Variants in NKX2-5 observed in about 807,000 individuals in gnomAD.
NKX2-5 encodes the protein homeobox protein Nkx-2.5.
NKX2-5 carries 3 observed loss-of-function variants against 24.5 expected under a neutral mutation model. That is an observed-to-expected ratio of 0.12 (90% CI 0.06 to 0.32). NKX2-5 has a LOEUF of 0.32. Among genes scored for constraint, NKX2-5 ranks in the 10% least tolerant of loss-of-function variants. The pLI, the probability that NKX2-5 is intolerant of heterozygous loss-of-function variation, is 1.00. For synonymous variants in NKX2-5, 215 were observed against 217.6 expected, an observed-to-expected ratio of 0.99 and a Z score of 0.11; for missense variants, 429 against 452.4, an observed-to-expected ratio of 0.95 and a Z score of 0.47.
chr5:173,234,864 C>G lies in NKX2-5; in HGVS notation c.220G>C (p.Gly74Arg). Residue 74 changes from glycine to arginine, a missense_variant, in exon 1 of 2, where the codon GGC (glycine) becomes CGC (arginine). Coordinates refer to ENST00000329198, the MANE Select transcript of NKX2-5 (RefSeq NM_004387.4). ...PGLPELRAEL[G>R]RAPSPAKCAS... is the part of the protein sequence containing the mutation. The stretch of plus-strand genomic sequence containing the variant: ...CACTTGGCCGGTGAAGGCGCGCGGC[C>G]CAGCTCTGCGCGCAGCTCTGGGAGG... The G allele has an allele frequency of 6.2e-7, 1 of 1,601,226 alleles. No homozygotes were observed. Among genetic ancestry groups the G allele is most frequent in the Non-Finnish European group, 8.5e-7 (1 of 1,174,402 alleles).
In NKX2-5 at chr5:173,232,503, T is replaced by TC; in HGVS notation, c.*65dup. 3 of 1,587,446 alleles carry TC rather than the reference T, an allele frequency of 1.9e-6. No individual in the cohort carries two copies. The highest frequency in any genetic ancestry group is 1.7e-6 in the Non-Finnish European group (2 of 1,174,270). ...TCAGGGTCATGTTGGGAGCCCCTTC[T>TC]CCCCCCGAGAGTCAGGGAGCTGTTG... is the stretch of plus-strand genomic sequence containing the variant. On this transcript the variant is annotated 3_prime_UTR_variant, in exon 2 of 2. Coordinates refer to ENST00000329198, the MANE Select transcript of NKX2-5 (RefSeq NM_004387.4). The surrounding 1 kb of genome is among the most constrained non-coding windows in gnomAD (Gnocchi z 5.9).
chr5:173,233,169 T>C lies in NKX2-5; in HGVS notation c.375A>G (p.Thr125=). The C allele has an allele frequency of 6.2e-7, 1 of 1,603,556 alleles. No homozygotes were observed. Among genetic ancestry groups the C allele is most frequent in the Non-Finnish European group, 8.5e-7 (1 of 1,178,582 alleles). ...GGGGCCGCTCCGCGTTGTCCGCCTC[T>C]GTCTTCTCCAGCTCCACCGCCTTCT... The part of the protein sequence containing the change: ...ALQKAVELEK[T]EADNAERPRA... Residue 125 remains threonine (T), a synonymous_variant, in exon 2 of 2, where the codon ACA becomes ACG. Coordinates refer to ENST00000329198, the MANE Select transcript of NKX2-5 (RefSeq NM_004387.4).
Position 173,234,766 on chromosome 5 carries a change from A to G in NKX2-5, c.318T>C (p.Pro106=), listed in dbSNP as rs1418433085. The change falls in exon 1 of 2, where the codon CCT becomes CCC. Residue 106 remains proline, a synonymous_variant. Transcript: ENST00000329198. ...CCTCCTCACCTTTCTTTTCGGCTCT[A>G]GGGTCCTTGGCTGGGTCGGGGTCGC... ...AYSDPDPAKD[P]RAEKKELCAL... The G allele has an allele frequency of 6.5e-7, 1 of 1,547,430 alleles. No homozygotes were observed. Among genetic ancestry groups the G allele is most frequent in the Non-Finnish European group, 8.7e-7 (1 of 1,150,082 alleles).
In NKX2-5 at chr5:173,232,670, AGTT is replaced by A. The variant is rs756974215; in HGVS notation, c.871_873del (p.Asn291del). 41 of 1,611,940 alleles carry A rather than the reference AGTT, an allele frequency of 2.5e-5. No individual in the cohort carries two copies. Among genetic ancestry groups the A allele is most frequent in the East Asian group, 1.1e-4 (5 of 44,838 alleles). On this transcript the variant is annotated inframe_deletion, in exon 2 of 2. Coordinates refer to ENST00000329198, the MANE Select transcript of NKX2-5 (RefSeq NM_004387.4). The surrounding 1 kb of genome is among the most constrained non-coding windows in gnomAD (Gnocchi z 5.9). ...AAGTCCCCGACGCCGAAGTTCACGA[AGTT>A]GTTGTTGGCGGCGGCAGTGGCCGGC...
rs536727336 is a variant in NKX2-5 at position 173,234,031 on chromosome 5, G to A, written c.334+719C>T. ...CCTCCCCGATCCTGGGATGGCCTGC[G>A]GGATGATCCCGCACTCATCTCGTCC... On this transcript the variant is annotated intron_variant, in intron 1 of 1. Transcript: ENST00000329198. 3 of 1,282,952 alleles carry A rather than the reference G, an allele frequency of 2.3e-6. No individual in the cohort carries two copies. The South Asian group carries it at 3.8e-5, about 16-fold the overall frequency. 79.5% of individuals were successfully genotyped at this position (1,282,952 alleles called of 1,614,324 possible).
rs756623702 is a variant in NKX2-5, at chr5:173,233,038, T to C, written c.506A>G (p.Asp169Gly). The C allele has an allele frequency of 1.2e-6, 2 of 1,606,822 alleles. No individual in the cohort carries two copies. The highest frequency in any genetic ancestry group is 2.7e-5 in the African/African-American group (2 of 74,802). ...GAGTTTCAGCACGCTGGCCAGCTGG[T>C]CGCGTTCGGGGGCCGACAGGTACCG... ...QQRYLSAPER[D>G]QLASVLKLTS... Residue 169 changes from aspartate (D) to glycine (G), a missense_variant, in exon 2 of 2, where the codon GAC (aspartate) becomes GGC (glycine). Coordinates refer to ENST00000329198, the MANE Select transcript of NKX2-5 (RefSeq NM_004387.4).
Position 173,234,872 on chromosome 5 carries a change from G to C in NKX2-5, c.212C>G (p.Ala71Gly). The change falls in exon 1 of 2, where the codon GCA becomes GGA. Residue 71 changes from alanine to glycine, a missense_variant. By Grantham distance (60) the Ala-to-Gly change is moderately conservative (BLOSUM62 0). Around this residue, in one of 3 missense-constraint regions of NKX2-5, gnomAD observed 240 missense variants for 240.4 expected, o/e 1.00. Transcript: ENST00000329198. ...AAAPGLPELR[A>G]ELGRAPSPAK... is the part of the protein sequence containing the mutation. ...CGGTGAAGGCGCGCGGCCCAGCTCT[G>C]CGCGCAGCTCTGGGAGGCCCGGCGC... is the stretch of plus-strand genomic sequence containing the variant. 1 of 1,603,810 alleles carries C rather than the reference G, an allele frequency of 6.2e-7. No individual in the cohort carries two copies.
At chr5:173,233,881 C>T (rs563275269) in intron 1 of NKX2-5, 194 of 985,468 alleles carry the variant, frequency 2.0e-4, no homozygotes, top group African/African-American at 1.2e-3. Flanking sequence ...AATTCTCTCC[C>T]GGCTGGCAGC....
At chr5:173,233,568 G>T in intron 1 of NKX2-5, 3 of 811,538 alleles carry the variant, frequency 3.7e-6, no homozygotes, top group East Asian at 5.4e-5. Flanking sequence ...ATGCTCTGGG[G>T]TGAACTGAAT....
rs759274726 is a variant in NKX2-5, at chr5:173,234,052, C to T, written c.334+698G>A. The T allele has an allele frequency of 8.5e-6, 11 of 1,289,246 alleles. No individual in the cohort carries two copies. In the South Asian group the frequency reaches 8.6e-5, roughly 10 times the overall value. The allele number at this position is 1,289,246 out of a possible 1,614,324, so 79.9% of individuals were successfully genotyped here. On this transcript the variant is annotated intron_variant, in intron 1 of 1. Transcript: ENST00000329198. ...CTGCGGGATGATCCCGCACTCATCTCGTCCACTCCCTTGTGCCCGCGGTAG... is the reference window on the plus strand; with the variant it reads ...CTGCGGGATGATCCCGCACTCATCTTGTCCACTCCCTTGTGCCCGCGGTAG...
In NKX2-5 at chr5:173,235,033, G is replaced by T. The variant is rs1761444960; in HGVS notation, c.51C>A (p.Ile17=). Residue 17 remains isoleucine (I), a synonymous_variant, in exon 1 of 2, where the codon ATC becomes ATA. Transcript: ENST00000329198. ...TGCGCTGCTGCTGTTCCAGGTTTAG[G>T]ATGTCTTTGACTGAGAAGGGCGTGG... ...LTPTPFSVKD[I]LNLEQQQRSL... 1 of 1,611,838 alleles carries T rather than the reference G, an allele frequency of 6.2e-7. No individual in the cohort carries two copies. The highest frequency in any genetic ancestry group is 1.3e-5 in the African/African-American group (1 of 74,708).
rs183405705 is a variant in NKX2-5, at chr5:173,233,291, G to C, written c.335-82C>G. The stretch of plus-strand genomic sequence containing the variant: ...GCGCGGCCGCACAGTAATGGTAAGG[G>C]ATCCTCGTGGAGGCCACTGTGTCCT... On this transcript the variant is annotated intron_variant, in intron 1 of 1. Coordinates refer to ENST00000329198, the MANE Select transcript of NKX2-5 (RefSeq NM_004387.4). 8.3e-3 allele frequency: 12,869 copies of C among 1,547,632 alleles called. 84 individuals carry two copies. Among genetic ancestry groups the C allele is most frequent in the Non-Finnish European group, 9.8e-3 (11,341 of 1,153,030 alleles).
intron 1 of NKX2-5, 135 bp downstream of exon 1, chr5:173,234,615 G>T: frequency 1.3e-6 from 1 of 763,976 alleles, no homozygotes; most frequent in Non-Finnish European, 1.9e-6. Flanking sequence ...ACAACACCAG[G>T]CATCTTACAT....
At chr5:173,234,000 G>A (rs1761401893) in intron 1 of NKX2-5, 2 of 1,258,050 alleles carry the variant, frequency 1.6e-6, no homozygotes, top group Non-Finnish European at 2.1e-6. Flanking sequence ...CAGCGGGGCC[G>A]GCCTCCCTCC....
At chr5:173,233,722 G>T in intron 1 of NKX2-5, 2 of 512,886 alleles carry the variant, frequency 3.9e-6, no homozygotes, top group Non-Finnish European at 5.0e-6. Flanking sequence ...CCTGGCCGCA[G>T]CAGGGTTTGC....
Position 173,233,515 on chromosome 5 carries a change from AAAAATAAATAAAAAAAT to A in NKX2-5, c.335-323_335-307del, listed in dbSNP as rs746600877. On this transcript the variant is annotated intron_variant, in intron 1 of 1. Transcript: ENST00000329198. ...TAAAATTTCAGGCTGCAAAAAAAAA[AAAAATAAATAAAAAAAT>A]AAAAAAATAAAAATAAAACCAGGTG... The A allele has an allele frequency of 4.8e-3, 4,056 of 849,158 alleles. 49 individuals carry two copies. The highest frequency in any genetic ancestry group is 6.5e-3 in the Non-Finnish European group (3,606 of 555,014). 52.6% of individuals were successfully genotyped at this position (849,158 alleles called of 1,614,324 possible).
intron 1 of NKX2-5, chr5:173,234,027 C>G (rs1761402546): frequency 7.9e-7 from 1 of 1,261,200 alleles, no homozygotes; most frequent in Non-Finnish European, 1.0e-6. Flanking sequence ...CTGGGATGGC[C>G]TGCGGGATGA....
Position 173,232,449 on chromosome 5 carries a change from C to T in NKX2-5, c.*120G>A, listed in dbSNP as rs1409941597. 4 of 1,519,242 alleles carry T rather than the reference C, an allele frequency of 2.6e-6. No homozygotes were observed. Among genetic ancestry groups the T allele is most frequent in the African/African-American group, 1.4e-5 (1 of 72,492 alleles). The allele number at this position is 1,519,242 out of a possible 1,614,324, so 94.1% of individuals were successfully genotyped here. On this transcript the variant is annotated 3_prime_UTR_variant, in exon 2 of 2. Transcript: ENST00000329198. The surrounding 1 kb of genome is among the most constrained non-coding windows in gnomAD (Gnocchi z 5.9). ...GGGACAGAAAAAGTTCCTAGGTCTC[C>T]GCAGGAGTGAATGCAAAATCCAGGG...
intron 1 of NKX2-5, chr5:173,233,973 C>T: frequency 8.2e-7 from 1 of 1,226,328 alleles, no homozygotes. Context: ...GGGGGTCTCC[C>T]AGAAGGCCCC....
Sources: gnomAD v4.1 joint callset for allele counts on GRCh38, gnomAD v4.1.1 for gene constraint, gnomAD v4.1.1 regional missense constraint, Gnocchi (gnomAD v3.1) non-coding constraint, MANE v1.5 for transcripts, NCBI Gene and HGNC (gene_info 2026-07-23, HGNC 2026-07-21) for gene names.